ACSS1: variants seen among roughly 807,000 people sequenced by gnomAD.
The protein encoded by ACSS1 is acetyl-coenzyme A synthetase 2-like, mitochondrial.
Under a neutral mutation model 75.3 loss-of-function variants are expected in ACSS1, and 42 were observed. The observed-to-expected ratio is 0.56, with a 90% CI of 0.44 to 0.72. The LOEUF (loss-of-function observed/expected upper bound fraction) is 0.72. Ranked by LOEUF, ACSS1 falls within the 30% of genes least tolerant of loss-of-function variation. ACSS1 has a pLI of 0.00. For synonymous variants in ACSS1, 380 were observed against 376.8 expected (o/e 1.01, Z -0.10); for missense variants, 782 against 935.7 (o/e 0.84, Z 2.14).
At chr20:25,023,409 A>G in intron 4 of ACSS1, 57 bp downstream of exon 4, 2 of 1,603,054 alleles carry the variant, frequency 1.2e-6, no homozygotes, top group African/African-American at 2.7e-5. Flanking sequence ...GAGAAGCCTC[A>G]GAGCCAGCTA....
intron 3 of ACSS1, among the ~76,000 whole-genome samples, chr20:25,027,368 T>A (rs947039068): frequency 6.6e-6 from 1 of 152,192 alleles, no homozygotes; most frequent in African/African-American, 2.4e-5. Context: ...ATATCTCATA[T>A]AAACAATGAT....
chr20:25,030,738 T>A lies in ACSS1; in HGVS notation c.631+21A>T, dbSNP rs536577823. The stretch of plus-strand genomic sequence containing the variant: ...ATCAGGGAACTCCAGGGTTCCTCCC[T>A]CCCCATGCCCACCTCCTCACCATCA... On this transcript the variant is annotated intron_variant, in intron 3 of 13. Coordinates refer to ENST00000323482, the MANE Select transcript of ACSS1 (RefSeq NM_032501.4). The A allele has an allele frequency of 2.1e-5, 34 of 1,612,980 alleles. No individual in the cohort carries two copies. In the East Asian group the frequency reaches 3.1e-4, roughly 15 times the overall value.
chr20:25,056,578 G>T (rs575607593), intron 1 of ACSS1, among the ~76,000 whole-genome samples: 1 of 152,250 alleles, frequency 6.6e-6, no homozygotes, highest in South Asian at 2.1e-4. Flanking sequence ...ACCAGTAAGC[G>T]CTGGGTCTGC....
intron 2 of ACSS1, among the ~76,000 whole-genome samples, chr20:25,043,432 G>A (rs758746949): frequency 2.6e-5 from 4 of 152,170 alleles, no homozygotes; most frequent in Non-Finnish European, 4.4e-5. Context: ...TAGGGTGAAC[G>A]GCCAGGCCCT....
At chr20:25,051,169 C>T (rs139847591) in intron 1 of ACSS1, among the ~76,000 whole-genome samples, 4 of 152,320 alleles carry the variant, frequency 2.6e-5, no homozygotes, top group East Asian at 1.9e-4. Context: ...CAGCCCAAGG[C>T]GCTCACTCTC....
chr20:25,032,421 C>G, intron 2 of ACSS1: 1 of 1,395,848 alleles, frequency 7.2e-7, no homozygotes, highest in Non-Finnish European at 9.3e-7. Context: ...GGTTGTCTTT[C>G]CTTTCGGCGC....
At chr20:25,034,506 A>C (rs1175530013) in intron 2 of ACSS1, among the ~76,000 whole-genome samples, 1 of 151,826 alleles carries the variant, frequency 6.6e-6, no homozygotes, top group Non-Finnish European at 1.5e-5. Flanking sequence ...GGACCCCCAC[A>C]TTCTCATGGT....
intron 3 of ACSS1, among the ~76,000 whole-genome samples, chr20:25,026,212 C>G (rs1256921146): frequency 6.6e-6 from 1 of 152,188 alleles, no homozygotes; most frequent in Non-Finnish European, 1.5e-5. Context: ...GTCAGACTCA[C>G]AATATACACC....
At chr20:25,053,586 C>T (rs973578662) in intron 1 of ACSS1, among the ~76,000 whole-genome samples, 8 of 152,136 alleles carry the variant, frequency 5.3e-5, no homozygotes, top group Non-Finnish European at 1.0e-4. Context: ...AGAAAAGTTA[C>T]TTTAATCACT....
chr20:25,046,938 A>T lies in ACSS1; in HGVS notation c.431+1147T>A. 4 of 779,408 alleles carry T rather than the reference A, an allele frequency of 5.1e-6. No individual in the cohort carries two copies. In the Admixed American group the frequency reaches 6.8e-5, roughly 13 times the overall value. 48.3% of individuals were successfully genotyped at this position (779,408 alleles called of 1,614,324 possible). On this transcript the variant is annotated intron_variant, in intron 2 of 13. Coordinates refer to ENST00000323482, the MANE Select transcript of ACSS1 (RefSeq NM_032501.4). The stretch of plus-strand genomic sequence containing the variant: ...GCTGGTGGGGGAGACGGGTCAGCAA[A>T]GGAGCCCTGGCCGAGGCTGGTGGAG...
rs2089269670 is a variant in ACSS1, at chr20:25,058,002, G to T, written c.101C>A (p.Pro34Gln). The T allele has an allele frequency of 6.7e-7, 1 of 1,494,628 alleles. No individual in the cohort carries two copies. The highest frequency in any genetic ancestry group is 8.9e-7 in the Non-Finnish European group (1 of 1,123,016). The allele number at this position is 1,494,628 out of a possible 1,614,324, so 92.6% of individuals were successfully genotyped here. Residue 34 changes from proline (P) to glutamine (Q), a missense_variant, in exon 1 of 14, where the codon CCG (proline) becomes CAG (glutamine). Coordinates refer to ENST00000323482, the MANE Select transcript of ACSS1 (RefSeq NM_032501.4). ...PARPPCGVSA[P>Q]RRAASGPSGS... ...CGAGGGTCCCGAGGCCGCCCTGCGCGGCGCGCTCACCCCGCACGGCGGCCG... is the reference window on the plus strand; with the variant it reads ...CGAGGGTCCCGAGGCCGCCCTGCGCTGCGCGCTCACCCCGCACGGCGGCCG...
intron 2 of ACSS1, chr20:25,032,427 G>A (rs1194516823): frequency 5.0e-6 from 7 of 1,391,236 alleles, no homozygotes; most frequent in Admixed American, 2.7e-5. Flanking sequence ...CTTTCCTTTC[G>A]GCGCCTCATC....
At chr20:25,021,623 G>T in intron 5 of ACSS1, 87 bp from the exon 6 acceptor site, 1 of 1,531,032 alleles carries the variant, frequency 6.5e-7, no homozygotes, top group Non-Finnish European at 8.8e-7. Context: ...GCATGCATAG[G>T]CTGCAGTCCA....
chr20:25,032,852 G>T (rs1224397533), intron 2 of ACSS1: 1 of 279,424 alleles, frequency 3.6e-6, no homozygotes, highest in Non-Finnish European at 5.5e-6. Context: ...GAACCAGATC[G>T]CAAGGCCAGC....
At position 25,007,660 on chromosome 20, in the gene ACSS1, C is replaced by T; in HGVS notation, c.*102G>A. The T allele has an allele frequency of 6.5e-7, 1 of 1,534,984 alleles. No individual in the cohort carries two copies. Among genetic ancestry groups the T allele is most frequent in the South Asian group, 1.3e-5 (1 of 78,782 alleles). On this transcript the variant is annotated 3_prime_UTR_variant, in exon 14 of 14. Transcript: ENST00000323482. ...TGGGTCATGTGTGGGGTGGGGGCTGCTTCTGGGACGTAGGAAGACGCCAAC... is the reference window on the plus strand; with the variant it reads ...TGGGTCATGTGTGGGGTGGGGGCTGTTTCTGGGACGTAGGAAGACGCCAAC...
At chr20:25,036,952 CAAA>C (rs376184330) in intron 2 of ACSS1, among the ~76,000 whole-genome samples, 1 of 87,348 alleles carries the variant, frequency 1.1e-5, no homozygotes, top group Non-Finnish European at 2.2e-5. Context: ...TAGACTCTGT[CAAA>C]AAAAAAAAAA....
intron 2 of ACSS1, among the ~76,000 whole-genome samples, chr20:25,033,496 T>G (rs547577462): frequency 6.6e-6 from 1 of 152,254 alleles, no homozygotes; most frequent in Non-Finnish European, 1.5e-5. Context: ...AAACATTCAG[T>G]AGCTATCGTC....
chr20:25,010,254 AACTG>A (rs1315881833), intron 12 of ACSS1: 1 of 152,528 alleles, frequency 6.6e-6, no homozygotes, highest in Non-Finnish European at 1.5e-5. Flanking sequence ...TGTAGCACCT[AACTG>A]ACTGTGTCGT....
At chr20:25,047,642 A>C (rs35022349) in intron 2 of ACSS1, among the ~76,000 whole-genome samples, 4 of 152,078 alleles carry the variant, frequency 2.6e-5, no homozygotes, top group Non-Finnish European at 4.4e-5. Flanking sequence ...TGTAAGGGTA[A>C]GGTGAGCTTC....
Sources: allele counts gnomAD v4.1 joint callset (sites outside exome capture counted in the v4.1 genomes callset), GRCh38; gene constraint gnomAD v4.1.1; transcripts MANE v1.5; gene names NCBI Gene and HGNC (gene_info 2026-07-23, HGNC 2026-07-21).